Variants in ZNF536 observed in about 807,000 individuals in gnomAD.
ZNF536 encodes zinc finger protein 536.
ZNF536 carries 13 observed loss-of-function variants against 84.5 expected under a neutral mutation model. That is an observed-to-expected ratio of 0.15 (90% CI 0.10 to 0.24). The LOEUF (loss-of-function observed/expected upper bound fraction) is 0.24. Among genes scored for constraint, ZNF536 ranks in the 10% least tolerant of loss-of-function variants. The pLI is 1.00. For missense variants in ZNF536, 1,536 were observed against 1,747.5 expected, an observed-to-expected ratio of 0.88 and a Z score of 2.16; for synonymous variants, 811 against 742.5, an observed-to-expected ratio of 1.09 and a Z score of -1.50.
At chr19:30,282,454 A>G (rs145438743) in intron 1 of ZNF536, among the ~76,000 whole-genome samples, 31 of 152,322 alleles carry the variant, frequency 2.0e-4, no homozygotes, top group African/African-American at 7.5e-4. Flanking sequence ...GAAGCTGGAC[A>G]AACCGGTGTG....
At chr19:30,497,122 G>A (rs895873926) in intron 2 of ZNF536, among the ~76,000 whole-genome samples, 8 of 152,200 alleles carry the variant, frequency 5.3e-5, no homozygotes, top group Admixed American at 3.9e-4. Context: ...CACACATACC[G>A]AGAGACACTG....
At chr19:30,267,949 T>C (rs2025603199) in intron 1 of ZNF536, among the ~76,000 whole-genome samples, 1 of 152,022 alleles carries the variant, frequency 6.6e-6, no homozygotes, top group South Asian at 2.1e-4. Flanking sequence ...CTTATTTGTT[T>C]ATGATATCTG....
chr19:30,699,657 C>T (rs192410670), intron 1 of ZNF536, among the ~76,000 whole-genome samples: 1 of 152,146 alleles, frequency 6.6e-6, no homozygotes, highest in East Asian at 1.9e-4. Flanking sequence ...CTCTGTGGGC[C>T]TAGTGATTCT....
At chr19:30,443,315 A>C (rs990945210) in intron 1 of ZNF536, among the ~76,000 whole-genome samples, 5 of 152,194 alleles carry the variant, frequency 3.3e-5, no homozygotes, top group African/African-American at 1.2e-4. Context: ...TGAATGAATA[A>C]TTGCAGTCTG....
intron 1 of ZNF536, among the ~76,000 whole-genome samples, chr19:30,686,261 A>G (rs1568670793): frequency 1.3e-5 from 2 of 150,656 alleles, no homozygotes; most frequent in African/African-American, 4.9e-5. Flanking sequence ...ATCAACCCCC[A>G]ACACACACAC....
At chr19:30,648,277 C>G (rs1054164318) in intron 1 of ZNF536, among the ~76,000 whole-genome samples, 2 of 152,188 alleles carry the variant, frequency 1.3e-5, no homozygotes, top group Non-Finnish European at 1.5e-5. Context: ...TGGAAGCCTC[C>G]TCAGATAGCA....
At chr19:30,271,941 A>C (rs2025877345) in intron 1 of ZNF536, among the ~76,000 whole-genome samples, 2 of 152,216 alleles carry the variant, frequency 1.3e-5, no homozygotes, top group South Asian at 4.1e-4. Context: ...AAACTGGTAG[A>C]ATGAGGTCTT....
intron 2 of ZNF536, among the ~76,000 whole-genome samples, chr19:30,326,849 T>G (rs2146331300): frequency 7.6e-6 from 1 of 131,516 alleles, no homozygotes; most frequent in South Asian, 2.8e-4. Flanking sequence ...AGCCCATGCC[T>G]GTAATCCCAG....
intron 1 of ZNF536, among the ~76,000 whole-genome samples, chr19:30,658,274 G>T (rs1160831234): frequency 1.3e-5 from 2 of 151,982 alleles, no homozygotes; most frequent in Non-Finnish European, 2.9e-5. Flanking sequence ...TGCCCACTTT[G>T]GCCTCCCAAA....
chr19:30,385,848 G>C (rs1327274511), intron 1 of ZNF536, among the ~76,000 whole-genome samples: 4 of 152,088 alleles, frequency 2.6e-5, no homozygotes, highest in African/African-American at 9.7e-5. Context: ...ATGCTGCTTT[G>C]GGTCCCCAGC....
chr19:30,676,293 T>A (rs2050751508), intron 1 of ZNF536, among the ~76,000 whole-genome samples: 2 of 152,212 alleles, frequency 1.3e-5, no homozygotes, highest in Non-Finnish European at 2.9e-5. Flanking sequence ...AACATGAACC[T>A]TTGTGCATAA....
At chr19:30,463,781 G>A (rs3786810) in intron 2 of ZNF536, among the ~76,000 whole-genome samples, 65,448 of 151,962 alleles carry the variant, frequency 0.43, 16,986 homozygotes, top group African/African-American at 0.71. Flanking sequence ...GTTATTGTGA[G>A]CTGGGCAGGT....
chr19:30,501,806 G>T (rs150722089), intron 2 of ZNF536, among the ~76,000 whole-genome samples: 1 of 152,306 alleles, frequency 6.6e-6, no homozygotes, highest in Admixed American at 6.5e-5. Context: ...CATGCCTGAG[G>T]TTGCAATTTT....
chr19:30,662,310 A>G (rs1339658574), intron 1 of ZNF536, among the ~76,000 whole-genome samples: 1 of 152,178 alleles, frequency 6.6e-6, no homozygotes, highest in Admixed American at 6.5e-5. Context: ...GTGCCTAATG[A>G]TTTTTTACAT....
chr19:30,383,671 TCTTC>T (rs770811849), intron 1 of ZNF536, among the ~76,000 whole-genome samples: 10,616 of 29,002 alleles, frequency 0.37, 1,129 homozygotes, highest in African/African-American at 0.45. Context: ...TCTCTTTCTT[TCTTC>T]CTTTCTTCCT....
chr19:30,422,985 ACATC>A (rs548956056), intron 1 of ZNF536, among the ~76,000 whole-genome samples: 1 of 52,168 alleles, frequency 1.9e-5, no homozygotes, highest in Non-Finnish European at 3.6e-5. Context: ...ATCCAACCAA[ACATC>A]CATCCATCCA....
At chr19:30,287,411 A>G (rs1373343302) in intron 2 of ZNF536, among the ~76,000 whole-genome samples, 1 of 149,352 alleles carries the variant, frequency 6.7e-6, no homozygotes, top group African/African-American at 2.5e-5. Context: ...GAATGGATGG[A>G]TGGATAGATG....
At chr19:30,644,279 T>C (rs2049377311) in intron 1 of ZNF536, among the ~76,000 whole-genome samples, 1 of 152,250 alleles carries the variant, frequency 6.6e-6, no homozygotes, top group South Asian at 2.1e-4. Flanking sequence ...GTTTGTAATC[T>C]CTAAGCATGA....
At chr19:30,670,698 C>T (rs1333714058) in intron 1 of ZNF536, among the ~76,000 whole-genome samples, 1 of 152,202 alleles carries the variant, frequency 6.6e-6, no homozygotes, top group Non-Finnish European at 1.5e-5. Context: ...AGAGGCCTTC[C>T]TTCCCCAGAG....
Sources: gnomAD v4.1 joint callset for allele counts (sites outside exome capture counted in the v4.1 genomes callset) on GRCh38, gnomAD v4.1.1 for gene constraint, MANE v1.5 for transcripts, NCBI Gene and HGNC (gene_info 2026-07-23, HGNC 2026-07-21) for gene names.